B4GALNT3: variants seen among roughly 807,000 people sequenced by gnomAD.
The protein encoded by B4GALNT3 is beta-1,4-N-acetylgalactosaminyltransferase 3.
In B4GALNT3, 86 loss-of-function variants were observed where a neutral mutation model predicts 120.2. The ratio of observed to expected loss-of-function variants is 0.72; its 90% CI spans 0.60 to 0.86. The LOEUF (loss-of-function observed/expected upper bound fraction) is 0.86. Among genes scored for constraint, B4GALNT3 ranks in the 40% least tolerant of loss-of-function variants. B4GALNT3 has a pLI of 0.00. For synonymous variants in B4GALNT3, 518 were observed against 510.4 expected, an observed-to-expected ratio of 1.01 and a Z score of -0.20; for missense variants, 1,167 against 1,298.9, an observed-to-expected ratio of 0.90 and a Z score of 1.56.
intron 1 of B4GALNT3, among the ~76,000 whole-genome samples, chr12:482,885 G>A (rs1457594050): frequency 6.6e-6 from 1 of 152,032 alleles, no homozygotes; most frequent in Non-Finnish European, 1.5e-5. Flanking sequence ...AGGAAAGAAA[G>A]TGTACACAGG....
intron 1 of B4GALNT3, among the ~76,000 whole-genome samples, chr12:512,032 TACCTTCTGCCTTCCACCTTCG>T (rs1283630987): frequency 8.1e-6 from 1 of 123,660 alleles, no homozygotes; most frequent in African/African-American, 3.4e-5. Flanking sequence ...TTCCACCTTC[TACCTTCTGCCTTCCACCTTCG>T]ACCTTCTTCC....
intron 1 of B4GALNT3, among the ~76,000 whole-genome samples, chr12:489,267 C>T (rs1169514852): frequency 6.6e-6 from 1 of 150,412 alleles, no homozygotes; most frequent in Non-Finnish European, 1.5e-5. Context: ...AGCAAACCAC[C>T]ATGGCACATG....
At chr12:465,406 G>C (rs544159947) in intron 1 of B4GALNT3, among the ~76,000 whole-genome samples, 1 of 152,042 alleles carries the variant, frequency 6.6e-6, no homozygotes, top group South Asian at 2.1e-4. Flanking sequence ...GTTTATCAGG[G>C]ACTGATCCAA....
At chr12:470,292 C>T (rs1314679516) in intron 1 of B4GALNT3, among the ~76,000 whole-genome samples, 1 of 152,358 alleles carries the variant, frequency 6.6e-6, no homozygotes, top group East Asian at 1.9e-4. Context: ...TCCGTACAAG[C>T]AGTTGCCTAA....
chr12:546,880 C>T (rs965461527), intron 7 of B4GALNT3, 167 bp downstream of exon 7: 2 of 644,412 alleles, frequency 3.1e-6, no homozygotes, highest in Non-Finnish European at 2.7e-6. Flanking sequence ...GCCCATCCGT[C>T]CTCGTTTCAC....
chr12:521,114 T>C (rs1480669696), intron 1 of B4GALNT3, among the ~76,000 whole-genome samples: 1 of 152,202 alleles, frequency 6.6e-6, no homozygotes, highest in African/African-American at 2.4e-5. Flanking sequence ...AGAGTTAAGC[T>C]GTTTTCACAG....
chr12:527,977 A>T (rs1424634654), intron 1 of B4GALNT3, among the ~76,000 whole-genome samples: 2 of 151,398 alleles, frequency 1.3e-5, no homozygotes, highest in Non-Finnish European at 2.9e-5. Context: ...GTCATTGGAG[A>T]GGGGATAGGG....
At chr12:529,307 A>T (rs1483113460) in intron 1 of B4GALNT3, among the ~76,000 whole-genome samples, 2 of 151,982 alleles carry the variant, frequency 1.3e-5, no homozygotes, top group Admixed American at 6.5e-5. Context: ...CTCCCTACTG[A>T]TGGAGGGAGC....
intron 1 of B4GALNT3, among the ~76,000 whole-genome samples, chr12:495,784 C>T (rs185198092): frequency 6.6e-6 from 1 of 152,116 alleles, no homozygotes; most frequent in Non-Finnish European, 1.5e-5. Context: ...GAAAAGTATC[C>T]CCATGAAATA....
chr12:549,675 G>A, intron 9 of B4GALNT3, 94 bp from the exon 10 acceptor site: 1 of 1,501,680 alleles, frequency 6.7e-7, no homozygotes, highest in Non-Finnish European at 9.2e-7. Context: ...GGAGTCAGGA[G>A]CCCCTTCTGC....
intron 6 of B4GALNT3, among the ~76,000 whole-genome samples, chr12:546,410 G>A (rs1006379006): frequency 4.6e-5 from 7 of 152,032 alleles, no homozygotes; most frequent in African/African-American, 1.7e-4. Flanking sequence ...GCTGACTCGC[G>A]CTGCAGGTCA....
chr12:504,039 T>C (rs1348695656), intron 1 of B4GALNT3, among the ~76,000 whole-genome samples: 3 of 151,366 alleles, frequency 2.0e-5, no homozygotes, highest in Admixed American at 6.6e-5. Context: ...CACTTGAACC[T>C]CGGAGACAGA....
Position 553,237 on chromosome 12 carries a change from G to A in B4GALNT3, c.1314G>A (p.Val438=). 1 of 1,613,534 alleles carries A rather than the reference G, an allele frequency of 6.2e-7. No homozygotes were observed. The highest frequency in any genetic ancestry group is 8.5e-7 in the Non-Finnish European group (1 of 1,180,036). ...TAGAAGAGTCCCAGTATGGGGAAGT[G>A]GCAGAGGAGACCCCTGCCTCCAACA... ...NLLEESQYGE[V]AEETPASNNQ... is the part of the protein sequence containing the mutation. Residue 438 remains valine, a synonymous_variant, in exon 14 of 20, where the codon GTG becomes GTA. Transcript: ENST00000266383.
chr12:465,364 A>G (rs531701234), intron 1 of B4GALNT3, among the ~76,000 whole-genome samples: 1 of 152,306 alleles, frequency 6.6e-6, no homozygotes, highest in Admixed American at 6.5e-5. Flanking sequence ...TGAATTTCCA[A>G]GCACCTGATA....
rs1592004010 is a variant in B4GALNT3, at chr12:460,395, G to GCGCGGCCCC, written c.23_31dup (p.Arg8_Pro10dup). On this transcript the variant is annotated inframe_insertion, in exon 1 of 20. Transcript: ENST00000266383. The surrounding 1 kb of genome is among the most constrained non-coding windows in gnomAD (Gnocchi z 8.0). ...CAGCGCCATGGGGAGCCCCCGGGCCGCGCGGCCCCCGCTGCTCCTGCGCCC... is the reference window on the plus strand; with the variant it reads ...CAGCGCCATGGGGAGCCCCCGGGCCGCGCGGCCCCCGCGGCCCCCGCTGCTCCTGCGCCC... 6.8e-7 allele frequency: 1 copy of GCGCGGCCCC among 1,478,200 alleles called. No homozygotes were observed. The highest frequency in any genetic ancestry group is 2.8e-5 in the East Asian group (1 of 35,124). 91.6% of individuals were successfully genotyped at this position (1,478,200 alleles called of 1,614,324 possible).
At position 550,178 on chromosome 12, in the gene B4GALNT3, C is replaced by T. The variant is rs1036421419; in HGVS notation, c.997+266C>T. 6.6e-6 allele frequency among the ~76,000 whole-genome samples: 1 copy of T among 152,198 alleles called. No individual in the cohort carries two copies. Among genetic ancestry groups the T allele is most frequent in the Non-Finnish European group, 1.5e-5 (1 of 68,036 alleles). ...CCCACAACAAGAAATAGAGTTAGAA[C>T]CCGGAAGTCCCCCACACATCCCTTC... is the stretch of plus-strand genomic sequence containing the variant. On this transcript the variant is annotated intron_variant, in intron 10 of 19. Coordinates refer to ENST00000266383, the MANE Select transcript of B4GALNT3 (RefSeq NM_173593.4). The surrounding 1 kb of genome is among the most constrained non-coding windows in gnomAD (Gnocchi z 4.1).
At position 550,181 on chromosome 12, in the gene B4GALNT3, G is replaced by A. The variant is rs184813257; in HGVS notation, c.997+269G>A. 6.6e-5 allele frequency among the ~76,000 whole-genome samples: 10 copies of A among 152,274 alleles called. No individual in the cohort carries two copies. In the South Asian group the frequency reaches 1.2e-3, roughly 19 times the overall value. Reference sequence around the variant, plus strand: ...ACAACAAGAAATAGAGTTAGAACCCGGAAGTCCCCCACACATCCCTTCCCA... The same window carrying A: ...ACAACAAGAAATAGAGTTAGAACCCAGAAGTCCCCCACACATCCCTTCCCA... On this transcript the variant is annotated intron_variant, in intron 10 of 19. Transcript: ENST00000266383. The surrounding 1 kb of genome is among the most constrained non-coding windows in gnomAD (Gnocchi z 4.1).
At chr12:487,894 T>G (rs2120495366) in intron 1 of B4GALNT3, among the ~76,000 whole-genome samples, 1 of 152,282 alleles carries the variant, frequency 6.6e-6, no homozygotes, top group East Asian at 1.9e-4. Flanking sequence ...GAGGCTGCAG[T>G]GAGCTGTGGT....
In B4GALNT3 at chr12:460,479, G is replaced by T; in HGVS notation, c.103G>T (p.Gly35Trp). 1 of 1,587,382 alleles carries T rather than the reference G, an allele frequency of 6.3e-7. No homozygotes were observed. ...LLLALAVVSV[G>W]LWTLYLELVA... ...GCTGGCGCTCGCCGTGGTGTCTGTG[G>T]GGCTCTGGACTCTGTATCTGGAACT... Residue 35 changes from glycine (G) to tryptophan (W), a missense_variant, in exon 1 of 20, where the codon GGG (glycine) becomes TGG (tryptophan). Coordinates refer to ENST00000266383, the MANE Select transcript of B4GALNT3 (RefSeq NM_173593.4). The surrounding 1 kb of genome is among the most constrained non-coding windows in gnomAD (Gnocchi z 8.0).
Sources: allele counts gnomAD v4.1 joint callset (sites outside exome capture counted in the v4.1 genomes callset), GRCh38; gene constraint gnomAD v4.1.1; non-coding constraint Gnocchi (gnomAD v3.1); transcripts MANE v1.5; gene names NCBI Gene and HGNC (gene_info 2026-07-23, HGNC 2026-07-21).